Variants in IGF1R observed in about 807,000 individuals in gnomAD.
IGF1R encodes insulin like growth factor 1 receptor.
A neutral mutation model predicts 144.6 loss-of-function variants in IGF1R; 44 were observed. That is an observed-to-expected ratio of 0.30 (90% CI 0.24 to 0.39). IGF1R has a LOEUF of 0.39. IGF1R is among the 10% of genes least tolerant of loss of function. The pLI is 1.00. For synonymous variants in IGF1R, 795 were observed against 722.8 expected (o/e 1.10, Z -1.60); for missense variants, 1,355 against 1,833.7 (o/e 0.74, Z 4.77).
intron 2 of IGF1R, among the ~76,000 whole-genome samples, chr15:98,815,257 C>T (rs533795827): frequency 2.0e-5 from 3 of 152,302 alleles, no homozygotes; most frequent in Admixed American, 6.5e-5. Flanking sequence ...TGGATGAGGT[C>T]GAAAGGCAAC....
intron 2 of IGF1R, among the ~76,000 whole-genome samples, chr15:98,821,846 GAC>G (rs1475896811): frequency 7.0e-6 from 1 of 143,400 alleles, no homozygotes; most frequent in Non-Finnish European, 1.6e-5. Context: ...GACGTGGAGA[GAC>G]ACACGGGTGT....
chr15:98,735,885 G>C (rs558703784), intron 2 of IGF1R, among the ~76,000 whole-genome samples: 6 of 152,218 alleles, frequency 3.9e-5, no homozygotes, highest in South Asian at 4.2e-4. Flanking sequence ...TTCCTCCAAG[G>C]CTCCTCCTGC....
intron 2 of IGF1R, among the ~76,000 whole-genome samples, chr15:98,741,533 A>G (rs2054744853): frequency 6.6e-6 from 1 of 152,156 alleles, no homozygotes; most frequent in African/African-American, 2.4e-5. Flanking sequence ...CAAAAACACA[A>G]TCCCTTCTCT....
intron 2 of IGF1R, among the ~76,000 whole-genome samples, chr15:98,739,682 C>T (rs1328953207): frequency 1.3e-5 from 2 of 152,144 alleles, no homozygotes; most frequent in African/African-American, 2.4e-5. Flanking sequence ...TATCTTGGCT[C>T]ACTGCAACCT....
At chr15:98,920,364 G>A (rs2015432847) in intron 10 of IGF1R, among the ~76,000 whole-genome samples, 1 of 152,202 alleles carries the variant, frequency 6.6e-6, no homozygotes, top group African/African-American at 2.4e-5. Context: ...AAAGTGTGAT[G>A]TTGATAAACA....
At chr15:98,656,337 G>C (rs2052483782) in intron 1 of IGF1R, among the ~76,000 whole-genome samples, 1 of 152,162 alleles carries the variant, frequency 6.6e-6, no homozygotes, top group Non-Finnish European at 1.5e-5. Context: ...ATCACTTGAG[G>C]TCAGAAGTTC....
At chr15:98,867,150 AG>A (rs1340992831) in intron 2 of IGF1R, among the ~76,000 whole-genome samples, 2 of 129,766 alleles carry the variant, frequency 1.5e-5, no homozygotes, top group Non-Finnish European at 3.2e-5. Context: ...CAGGAGAGAA[AG>A]GGGGAGAGAG....
intron 6 of IGF1R, 65 bp downstream of exon 6, chr15:98,908,964 T>C (rs375207910): frequency 7.0e-7 from 1 of 1,427,814 alleles, no homozygotes; most frequent in Non-Finnish European, 9.7e-7. Context: ...CCTCCTCCCA[T>C]GTGTGATGGC....
At chr15:98,906,865 C>T (rs989298213) in intron 5 of IGF1R, among the ~76,000 whole-genome samples, 2 of 152,320 alleles carry the variant, frequency 1.3e-5, no homozygotes, top group East Asian at 1.9e-4. Context: ...CTCTGTCTTT[C>T]GACTCACTTG....
chr15:98,802,266 A>G (rs1015411264), intron 2 of IGF1R, among the ~76,000 whole-genome samples: 1 of 152,318 alleles, frequency 6.6e-6, no homozygotes, highest in Admixed American at 6.5e-5. Flanking sequence ...GATAATAACT[A>G]CTATATCCAG....
Position 98,738,283 on chromosome 15 carries a change from G to A in IGF1R, c.640+30176G>A, listed in dbSNP as rs767470896. Among the ~76,000 whole-genome samples the A allele has an allele frequency of 4.6e-5, 7 of 152,320 alleles. No homozygotes were observed. In the East Asian group the frequency reaches 1.2e-3, roughly 25 times the overall value. ...ACTGCTGGACTCAAGGGATCCTTCC[G>A]ACTCAGCCTCCCAATTAGCTGGGAC... is the stretch of plus-strand genomic sequence containing the variant. On this transcript the variant is annotated intron_variant, in intron 2 of 20. Transcript: ENST00000650285.
intron 4 of IGF1R, among the ~76,000 whole-genome samples, chr15:98,897,908 A>T (rs1421864594): frequency 6.7e-6 from 1 of 150,148 alleles, no homozygotes; most frequent in Non-Finnish European, 1.5e-5. Context: ...TGGGGGGGGA[A>T]TCCTTTTATG....
chr15:98,850,751 G>A (rs566368244), intron 2 of IGF1R, among the ~76,000 whole-genome samples: 2 of 152,128 alleles, frequency 1.3e-5, no homozygotes, highest in Non-Finnish European at 2.9e-5. Context: ...TTGGTGGGGG[G>A]GGGTACCATG....
At chr15:98,734,267 G>A (rs1310230264) in intron 2 of IGF1R, among the ~76,000 whole-genome samples, 2 of 152,132 alleles carry the variant, frequency 1.3e-5, no homozygotes, top group East Asian at 3.9e-4. Context: ...TTAACCTGAA[G>A]CCATAGGACA....
intron 1 of IGF1R, among the ~76,000 whole-genome samples, chr15:98,678,964 C>T (rs1185623771): frequency 6.9e-6 from 1 of 145,408 alleles, no homozygotes; most frequent in Non-Finnish European, 1.5e-5. Flanking sequence ...CGCTCTTGTC[C>T]CAGATGGTGT....
At position 98,960,337 on chromosome 15, in the gene IGF1R, A is replaced by T. The variant is rs1387275721; in HGVS notation, c.*2895A>T. 1 of 232,922 alleles carries T rather than the reference A, an allele frequency of 4.3e-6. No homozygotes were observed. 14.4% of individuals were successfully genotyped at this position (232,922 alleles called of 1,614,324 possible). On this transcript the variant is annotated 3_prime_UTR_variant, in exon 21 of 21. Transcript: ENST00000650285. ...ATCTTGGTTTCCACCAAGGTGTTAG[A>T]TTTCTCCTCCTCCTAGCCAGGTGGC... is the stretch of plus-strand genomic sequence containing the variant.
At chr15:98,904,342 G>C (rs897994257) in intron 5 of IGF1R, among the ~76,000 whole-genome samples, 1 of 152,074 alleles carries the variant, frequency 6.6e-6, no homozygotes, top group African/African-American at 2.4e-5. Flanking sequence ...GTGAGCCACC[G>C]TGCCTGGCCT....
At chr15:98,862,088 A>G (rs2012188963) in intron 2 of IGF1R, among the ~76,000 whole-genome samples, 1 of 152,256 alleles carries the variant, frequency 6.6e-6, no homozygotes, top group Non-Finnish European at 1.5e-5. Context: ...ATAGTGGTGG[A>G]TCAGGAAACT....
intron 2 of IGF1R, chr15:98,890,362 G>A (rs992937435): frequency 2.0e-4 from 30 of 152,220 alleles, no homozygotes; most frequent in African/African-American, 6.8e-4. Flanking sequence ...AGATGGTAAC[G>A]AGAGTGACCT....
Sources: allele counts gnomAD v4.1 joint callset (sites outside exome capture counted in the v4.1 genomes callset), GRCh38; gene constraint gnomAD v4.1.1; transcripts MANE v1.5; gene names NCBI Gene and HGNC (gene_info 2026-07-23, HGNC 2026-07-21).